The following PCDH15 variants were observed in gnomAD, a reference collection of about 807,000 sequenced individuals.
PCDH15 encodes the protein protocadherin-15.
PCDH15 carries 129 observed loss-of-function variants against 178.5 expected under a neutral mutation model. That is an observed-to-expected ratio of 0.72 (90% CI 0.63 to 0.84). The LOEUF (loss-of-function observed/expected upper bound fraction) is 0.84, where lower values mean the gene tolerates loss of function less well. Ranked by LOEUF, PCDH15 falls within the 40% of genes least tolerant of loss-of-function variation. The pLI, the probability that PCDH15 is intolerant of heterozygous loss-of-function variation, is 0.00. For missense variants in PCDH15, 2,230 were observed against 2,099.9 expected, an observed-to-expected ratio of 1.06 and a Z score of -1.21; for synonymous variants, 800 against 732.0, an observed-to-expected ratio of 1.09 and a Z score of -1.50.
chr10:54,780,542 A>G (rs1304061917), intron 1 of PCDH15, among the ~76,000 whole-genome samples: 1 of 152,086 alleles, frequency 6.6e-6, no homozygotes, highest in Non-Finnish European at 1.5e-5. Context: ...TTTCTTTCAC[A>G]ATCAACATAA....
In PCDH15 at chr10:54,277,200, T is replaced by G. The variant is rs149854587; in HGVS notation, c.876+40071A>C. ...TCAGGAAAAAAGGCCTTAAACTGTT[T>G]TAAGGCACTAATATTAAGGTGGTTT... On this transcript the variant is annotated intron_variant, in intron 8 of 37. Transcript: ENST00000644397. 8.1e-3 allele frequency among the ~76,000 whole-genome samples: 1,227 copies of G among 151,696 alleles called. 10 individuals are homozygous for G. Among genetic ancestry groups the G allele is most frequent in the Non-Finnish European group, 0.011 (752 of 67,662 alleles).
intron 2 of PCDH15, among the ~76,000 whole-genome samples, chr10:55,452,564 A>G (rs943100357): frequency 1.3e-5 from 2 of 152,162 alleles, no homozygotes; most frequent in African/African-American, 4.8e-5. Context: ...AAATAATCAA[A>G]ATGCATTTTT....
chr10:54,503,434 C>G (rs2080899120), intron 3 of PCDH15, among the ~76,000 whole-genome samples: 1 of 150,772 alleles, frequency 6.6e-6, no homozygotes, highest in African/African-American at 2.4e-5. Flanking sequence ...ATGGTAGTTG[C>G]TGTGCTGAGC....
chr10:54,384,358 CT>C (rs1949670060), intron 3 of PCDH15, among the ~76,000 whole-genome samples: 1 of 149,116 alleles, frequency 6.7e-6, no homozygotes, highest in Non-Finnish European at 1.5e-5. Flanking sequence ...TTCATTTCAA[CT>C]TGTGAAATTC....
At chr10:53,924,196 G>A (rs1219154974) in intron 25 of PCDH15, among the ~76,000 whole-genome samples, 12 of 152,300 alleles carry the variant, frequency 7.9e-5, no homozygotes, top group African/African-American at 1.7e-4. Context: ...AGGCGCAGGC[G>A]GGAACCGGGG....
At position 53,805,342 on chromosome 10, in the gene PCDH15, T is replaced by C. The variant is rs912486569; in HGVS notation, c.*1237A>G. 1 of 152,052 alleles carries C rather than the reference T, an allele frequency of 6.6e-6. No homozygotes were observed. The highest frequency in any genetic ancestry group is 6.6e-5 in the Admixed American group (1 of 15,230). 9.4% of individuals were successfully genotyped at this position (152,052 alleles called of 1,614,324 possible). A position where few individuals can be genotyped will look rare whatever the true frequency, so the allele number is the denominator to read the frequency against. ...TCTCTTAATCTATATTGTTTCATTC[T>C]TTTTACATCATCTGGAAAATAAGCA... is the stretch of plus-strand genomic sequence containing the variant. On this transcript the variant is annotated 3_prime_UTR_variant, in exon 38 of 38. Coordinates refer to ENST00000644397, the MANE Select transcript of PCDH15 (RefSeq NM_001384140.1).
At chr10:54,237,047 T>G in intron 8 of PCDH15, 116 bp from the exon 9 acceptor site, 1 of 904,400 alleles carries the variant, frequency 1.1e-6, no homozygotes, top group African/African-American at 1.6e-5. Context: ...AAACTCAAGT[T>G]TCAACATTTA....
intron 2 of PCDH15, among the ~76,000 whole-genome samples, chr10:55,164,465 T>C (rs1242064706): frequency 1.3e-5 from 2 of 150,616 alleles, no homozygotes; most frequent in Non-Finnish European, 3.0e-5. Flanking sequence ...TTTAAAGATA[T>C]ATAAGATATA....
At chr10:55,395,984 A>T (rs1296723954) in intron 2 of PCDH15, among the ~76,000 whole-genome samples, 2 of 152,172 alleles carry the variant, frequency 1.3e-5, no homozygotes, top group Non-Finnish European at 2.9e-5. Flanking sequence ...TCCACAACTA[A>T]TCACACAAAT....
chr10:54,758,100 T>C (rs1298274599), intron 1 of PCDH15, among the ~76,000 whole-genome samples: 1 of 152,194 alleles, frequency 6.6e-6, no homozygotes, highest in Admixed American at 6.5e-5. Flanking sequence ...TAAATTTACC[T>C]AAAATATTTT....
At chr10:55,053,567 C>A (rs553846331) in intron 2 of PCDH15, among the ~76,000 whole-genome samples, 1 of 152,296 alleles carries the variant, frequency 6.6e-6, no homozygotes, top group South Asian at 2.1e-4. Flanking sequence ...ACTATAAATG[C>A]TGGGATCTAA....
At chr10:54,808,918 G>C (rs1952820080) in intron 3 of PCDH15, among the ~76,000 whole-genome samples, 1 of 150,264 alleles carries the variant, frequency 6.7e-6, no homozygotes, top group African/African-American at 2.5e-5. Context: ...TTTAGCTCTA[G>C]AGAGAATTTA....
At chr10:54,838,606 C>T (rs1212849129) in intron 3 of PCDH15, among the ~76,000 whole-genome samples, 1 of 152,136 alleles carries the variant, frequency 6.6e-6, no homozygotes, top group African/African-American at 2.4e-5. Context: ...TTATTTGTGT[C>T]ACTAGAGGCA....
chr10:55,354,982 C>A (rs1413181145), intron 2 of PCDH15, among the ~76,000 whole-genome samples: 1 of 151,966 alleles, frequency 6.6e-6, no homozygotes, highest in Non-Finnish European at 1.5e-5. Context: ...TTGATAATGT[C>A]ATTTAAATGT....
In PCDH15 at chr10:53,827,547, G is replaced by T; in HGVS notation, c.4213C>A (p.Arg1405Ser). The T allele has an allele frequency of 1.9e-6, 3 of 1,614,092 alleles. No homozygotes were observed. The highest frequency in any genetic ancestry group is 2.5e-6 in the Non-Finnish European group (3 of 1,179,966). ...GCAGTCTTTGTACACTCAGCTTGAC[G>T]TCTTGGATAAAGTAAGGATGGCTTG... Reference protein sequence around the residue: ...VLVSYRQFKVRQAECTKTARI... With the variant: ...VLVSYRQFKVSQAECTKTARI... The change falls in exon 32 of 38, where the codon CGT (arginine) becomes AGT (serine). Residue 1405 changes from arginine (R) to serine (S), a missense_variant and splice_region_variant. By Grantham distance (110) the Arg-to-Ser change is moderately radical. Coordinates refer to ENST00000644397, the MANE Select transcript of PCDH15 (RefSeq NM_001384140.1).
chr10:54,955,432 C>T (rs1838460401), intron 2 of PCDH15, among the ~76,000 whole-genome samples: 1 of 151,012 alleles, frequency 6.6e-6, no homozygotes, highest in African/African-American at 2.4e-5. Flanking sequence ...TTTTGTTTAC[C>T]TACAATTTCA....
Position 53,806,580 on chromosome 10 carries a change from C to T in PCDH15, c.5222G>A (p.Ter1741=), listed in dbSNP as rs768676856. 20 of 1,578,280 alleles carry T rather than the reference C, an allele frequency of 1.3e-5. No homozygotes were observed. Among genetic ancestry groups the T allele is most frequent in the Non-Finnish European group, 1.6e-5 (19 of 1,161,256 alleles). The change falls in exon 38 of 38, where the codon TGA becomes TAA. Residue 1741 remains the stop codon, a stop_retained_variant. Coordinates refer to ENST00000644397, the MANE Select transcript of PCDH15 (RefSeq NM_001384140.1). The part of the protein sequence containing the change: ...NNLHIPMTKL[*] ...TTAAAATATCTTTTAAAAAATTGGT[C>T]ACAGTTTTGTCATTGGTATATGGAG...
intron 1 of PCDH15, among the ~76,000 whole-genome samples, chr10:55,251,359 C>A (rs529433586): frequency 6.6e-6 from 1 of 152,214 alleles, no homozygotes; most frequent in East Asian, 1.9e-4. Context: ...TCGTACTCCA[C>A]CCCATCCCCA....
chr10:54,347,662 C>T (rs1054705910), intron 5 of PCDH15, among the ~76,000 whole-genome samples: 3 of 151,626 alleles, frequency 2.0e-5, no homozygotes, highest in African/African-American at 4.8e-5. Flanking sequence ...CATGATGAGA[C>T]GGTGGAAAAT....
Sources: allele counts gnomAD v4.1 joint callset (sites outside exome capture counted in the v4.1 genomes callset), GRCh38; gene constraint gnomAD v4.1.1; transcripts MANE v1.5; gene names NCBI Gene and HGNC (gene_info 2026-07-23, HGNC 2026-07-21).